The following UXS1 variants were observed in gnomAD, a reference collection of about 807,000 sequenced individuals.
The protein encoded by UXS1 is UDP-glucuronic acid decarboxylase 1.
A neutral mutation model predicts 62.6 loss-of-function variants in UXS1; 33 were observed. That is an observed-to-expected ratio of 0.53 (90% CI 0.40 to 0.70). UXS1 has a LOEUF of 0.70. UXS1 is among the 30% of genes least tolerant of loss of function. The probability of loss-of-function intolerance (pLI) is 0.00; values close to 1 mark genes in which losing one functional copy is unlikely to be tolerated. For missense variants in UXS1, 434 were observed against 556.3 expected, an observed-to-expected ratio of 0.78 and a Z score of 2.21; for synonymous variants, 213 against 206.8, an observed-to-expected ratio of 1.03 and a Z score of -0.26.
At chr2:106,178,944 G>A (rs1314153144) in intron 1 of UXS1, among the ~76,000 whole-genome samples, 10 of 152,294 alleles carry the variant, frequency 6.6e-5, no homozygotes, top group African/African-American at 1.2e-4. Context: ...TTTCTCTAAC[G>A]GACAGCAGGG....
At chr2:106,173,317 T>G (rs1402447838) in intron 1 of UXS1, among the ~76,000 whole-genome samples, 1 of 152,120 alleles carries the variant, frequency 6.6e-6, no homozygotes, top group African/African-American at 2.4e-5. Flanking sequence ...ATCCCAGCAC[T>G]TTGGGAGTGT....
At chr2:106,106,882 C>T (rs1366407201) in intron 10 of UXS1, among the ~76,000 whole-genome samples, 11 of 152,188 alleles carry the variant, frequency 7.2e-5, no homozygotes, top group Admixed American at 5.2e-4. Context: ...AAGGTCAAAG[C>T]GCTGGAGTGA....
Position 106,129,768 on chromosome 2 carries a change from T to G in UXS1, c.483A>C (p.Ile161=). The stretch of plus-strand genomic sequence containing the variant: ...GGGAGGCTGGAGATGCCAGATGGTA[T>G]ATCTGGTCAACTAAAGGAGACAAAA... ...VEPLYIEVDQ[I]YHLASPASPP... The change falls in exon 7 of 15, where the codon ATA becomes ATC. Residue 161 remains isoleucine, a synonymous_variant. Coordinates refer to ENST00000283148, the MANE Select transcript of UXS1 (RefSeq NM_001253875.2). 1 of 1,605,550 alleles carries G rather than the reference T, an allele frequency of 6.2e-7. No homozygotes were observed. The highest frequency in any genetic ancestry group is 8.5e-7 in the Non-Finnish European group (1 of 1,175,234).
intron 1 of UXS1, among the ~76,000 whole-genome samples, chr2:106,173,268 C>G (rs1189547055): frequency 1.3e-5 from 2 of 152,190 alleles, no homozygotes; most frequent in African/African-American, 4.8e-5. Flanking sequence ...GGGCAGAAGT[C>G]AGAAAACTGT....
chr2:106,162,067 C>G (rs141918273), intron 4 of UXS1, among the ~76,000 whole-genome samples: 8 of 152,314 alleles, frequency 5.3e-5, no homozygotes, highest in African/African-American at 1.9e-4. Context: ...TTTCCACCGT[C>G]ACGCTTTTTT....
At chr2:106,144,262 ATAAT>A (rs1318933185) in intron 6 of UXS1, among the ~76,000 whole-genome samples, 6 of 152,242 alleles carry the variant, frequency 3.9e-5, no homozygotes, top group Admixed American at 3.9e-4. Context: ...AACAGATTAC[ATAAT>A]TAAACGTTTA....
chr2:106,130,928 C>G (rs1680401262), intron 6 of UXS1, among the ~76,000 whole-genome samples: 1 of 152,100 alleles, frequency 6.6e-6, no homozygotes, highest in Non-Finnish European at 1.5e-5. Context: ...AGGAACAGCT[C>G]CAGTCTACAG....
Position 106,190,457 on chromosome 2 carries a change from G to A in UXS1, c.94+3691C>T, listed in dbSNP as rs1198018676. ...AATAATCAACTAAAAGAAGTGAAAT[G>A]CCTAGGGGTTGGGTGCGGTGGCTCA... On this transcript the variant is annotated intron_variant, in intron 1 of 14. Coordinates refer to ENST00000283148, the MANE Select transcript of UXS1 (RefSeq NM_001253875.2). 1.3e-5 allele frequency among the ~76,000 whole-genome samples: 2 copies of A among 152,112 alleles called. 1 individual carries two copies. Among genetic ancestry groups the A allele is most frequent in the African/African-American group, 4.8e-5 (2 of 41,428 alleles).
At chr2:106,170,708 GCA>G (rs1399474083) in intron 1 of UXS1, among the ~76,000 whole-genome samples, 1 of 152,218 alleles carries the variant, frequency 6.6e-6, no homozygotes, top group Non-Finnish European at 1.5e-5. Context: ...CCACGTTGCT[GCA>G]CAGATTCCAA....
At position 106,179,000 on chromosome 2, in the gene UXS1, C is replaced by CG. The variant is rs201248671; in HGVS notation, c.95-12918dup. On this transcript the variant is annotated intron_variant, in intron 1 of 14. Transcript: ENST00000283148. ...CAGCACCAGGTCCCTGTGGGCTGGA[C>CG]GGGGCACAGCTTGGGAGCAGGGCTT... Among the ~76,000 whole-genome samples, 715 of 152,262 alleles carry CG rather than the reference C, an allele frequency of 4.7e-3. 7 individuals carry two copies. The highest frequency in any genetic ancestry group is 0.016 in the African/African-American group (659 of 41,540).
At chr2:106,188,918 T>TA (rs1684748033) in intron 1 of UXS1, among the ~76,000 whole-genome samples, 1 of 152,130 alleles carries the variant, frequency 6.6e-6, no homozygotes, top group Non-Finnish European at 1.5e-5. Flanking sequence ...TTTAGTTTTT[T>TA]AAAAAAGTTC....
At chr2:106,188,133 T>C (rs1235200130) in intron 1 of UXS1, among the ~76,000 whole-genome samples, 3 of 149,112 alleles carry the variant, frequency 2.0e-5, no homozygotes, top group African/African-American at 7.3e-5. Context: ...TTTGATTTCT[T>C]TTCTTTTTTT....
chr2:106,098,033 A>G (rs1171263246), intron 13 of UXS1, among the ~76,000 whole-genome samples: 1 of 152,252 alleles, frequency 6.6e-6, no homozygotes, highest in Non-Finnish European at 1.5e-5. Context: ...TGGTCACCTC[A>G]GGACACACTG....
At chr2:106,151,800 C>G (rs186427022) in intron 5 of UXS1, among the ~76,000 whole-genome samples, 1 of 152,292 alleles carries the variant, frequency 6.6e-6, no homozygotes, top group African/African-American at 2.4e-5. Context: ...GAGGGACATA[C>G]AAGTATTAAC....
chr2:106,113,690 A>G (rs1240548705), intron 9 of UXS1, among the ~76,000 whole-genome samples: 1 of 152,244 alleles, frequency 6.6e-6, no homozygotes, highest in Non-Finnish European at 1.5e-5. Flanking sequence ...TGTTTGATCC[A>G]CTGCAGAACA....
At chr2:106,141,929 G>T (rs933393365) in intron 6 of UXS1, among the ~76,000 whole-genome samples, 2 of 149,650 alleles carry the variant, frequency 1.3e-5, no homozygotes, top group East Asian at 3.9e-4. Context: ...GGAGTGCAAC[G>T]GCACTATCTT....
chr2:106,103,773 T>C (rs892649751), intron 11 of UXS1, among the ~76,000 whole-genome samples: 3 of 152,248 alleles, frequency 2.0e-5, no homozygotes, highest in Non-Finnish European at 4.4e-5. Context: ...CAGCTTTCTT[T>C]TGGAGTAAAT....
intron 1 of UXS1, among the ~76,000 whole-genome samples, chr2:106,174,296 C>A (rs1342922455): frequency 1.3e-5 from 2 of 152,184 alleles, no homozygotes; most frequent in Admixed American, 6.5e-5. Context: ...AACAGCTGTT[C>A]AGAGCATGAA....
At chr2:106,184,049 G>A (rs998807885) in intron 1 of UXS1, among the ~76,000 whole-genome samples, 2 of 152,056 alleles carry the variant, frequency 1.3e-5, no homozygotes, top group African/African-American at 2.4e-5. Context: ...AAAATTAGCC[G>A]GGCGTGGTGG....
Sources: gnomAD v4.1 joint callset for allele counts (sites outside exome capture counted in the v4.1 genomes callset) on GRCh38, gnomAD v4.1.1 for gene constraint, MANE v1.5 for transcripts, NCBI Gene and HGNC (gene_info 2026-07-23, HGNC 2026-07-21) for gene names.